Variants in CARMIL1 observed in about 807,000 individuals in gnomAD.
CARMIL1 encodes capping protein regulator and myosin 1 linker 1, also known as F-actin-uncapping protein LRRC16A.
A neutral mutation model predicts 177.1 loss-of-function variants in CARMIL1; 90 were observed. The observed-to-expected ratio is 0.51, with a 90% CI of 0.43 to 0.61. CARMIL1 has a LOEUF of 0.61. Among genes scored for constraint, CARMIL1 ranks in the 20% least tolerant of loss-of-function variants. CARMIL1 has a pLI of 0.00. For synonymous variants in CARMIL1, 577 were observed against 606.2 expected (o/e 0.95, Z 0.71); for missense variants, 1,380 against 1,667.0 (o/e 0.83, Z 3.00).
intron 5 of CARMIL1, among the ~76,000 whole-genome samples, chr6:25,444,663 G>A (rs1798054456): frequency 6.6e-6 from 1 of 152,110 alleles, no homozygotes; most frequent in Non-Finnish European, 1.5e-5. Context: ...TGAGAATGAT[G>A]GTTTCCAGCC....
At chr6:25,612,587 T>C (rs1406734655) in intron 36 of CARMIL1, 2 of 198,180 alleles carry the variant, frequency 1.0e-5, no homozygotes, top group East Asian at 1.9e-4. Flanking sequence ...TAATGATGCA[T>C]ATCTGCCCAG....
At chr6:25,504,379 T>C (rs1804712336) in intron 17 of CARMIL1, among the ~76,000 whole-genome samples, 1 of 152,158 alleles carries the variant, frequency 6.6e-6, no homozygotes, top group African/African-American at 2.4e-5. Flanking sequence ...TAAGTTGGCT[T>C]GTAGGTTCTC....
chr6:25,402,063 C>T (rs1793933944), intron 2 of CARMIL1, among the ~76,000 whole-genome samples: 1 of 149,898 alleles, frequency 6.7e-6, no homozygotes, highest in Admixed American at 6.6e-5. Flanking sequence ...TCTGACTAAG[C>T]TATATATTTA....
chr6:25,455,329 A>G (rs1441133663), intron 8 of CARMIL1, among the ~76,000 whole-genome samples: 1 of 151,014 alleles, frequency 6.6e-6, no homozygotes, highest in Admixed American at 6.6e-5. Context: ...TCGCCGTTAT[A>G]TTTAGTCTTC....
intron 2 of CARMIL1, among the ~76,000 whole-genome samples, chr6:25,368,168 A>T (rs1790039185): frequency 6.6e-6 from 1 of 152,204 alleles, no homozygotes; most frequent in East Asian, 1.9e-4. Context: ...GAGAACCCTG[A>T]TCCTTACTGG....
chr6:25,428,673 A>G (rs915228002), intron 4 of CARMIL1, among the ~76,000 whole-genome samples: 3 of 152,034 alleles, frequency 2.0e-5, no homozygotes, highest in African/African-American at 7.2e-5. Context: ...ATATTTCTCC[A>G]TTTGTTTAGG....
At position 25,597,065 on chromosome 6, in the gene CARMIL1, A is replaced by G. The variant is rs1157240797; in HGVS notation, c.3119+2538A>G. On this transcript the variant is annotated intron_variant, in intron 32 of 36. Coordinates refer to ENST00000329474, the MANE Select transcript of CARMIL1 (RefSeq NM_017640.6). Reference sequence around the variant, plus strand: ...GGGAAGTTCAAGTTTGGGTGGCCACACTGGTTGGCTTCTGGTGAGGGCCTC... The same window carrying G: ...GGGAAGTTCAAGTTTGGGTGGCCACGCTGGTTGGCTTCTGGTGAGGGCCTC... Among the ~76,000 whole-genome samples the G allele has an allele frequency of 6.6e-5, 10 of 152,218 alleles. No homozygotes were observed. The East Asian group carries it at 1.5e-3, about 24-fold the overall frequency.
At chr6:25,485,683 C>T (rs1802571581) in intron 12 of CARMIL1, among the ~76,000 whole-genome samples, 1 of 152,200 alleles carries the variant, frequency 6.6e-6, no homozygotes. Context: ...GATCCATCTG[C>T]CTCAGCCTCC....
intron 2 of CARMIL1, among the ~76,000 whole-genome samples, chr6:25,395,724 T>C (rs1793319604): frequency 6.6e-6 from 1 of 152,254 alleles, no homozygotes; most frequent in Non-Finnish European, 1.5e-5. Flanking sequence ...AAGTCACTCT[T>C]AGCATTCCTC....
chr6:25,279,803 A>C lies in CARMIL1; in HGVS notation c.8A>C (p.Glu3Ala). The change falls in exon 1 of 37, where the codon GAG becomes GCG. Residue 3 changes from glutamate to alanine, a missense_variant. Glu to Ala is a moderately radical substitution (Grantham distance 107). Transcript: ENST00000329474. MT[E>A]ESSDVPRELI... ...CACACCTACAGGGCAACCATGACCG[A>C]GGAGAGCTCTGACGTTCCCAGGGAG... 1 of 1,613,878 alleles carries C rather than the reference A, an allele frequency of 6.2e-7. No individual in the cohort carries two copies. The highest frequency in any genetic ancestry group is 8.5e-7 in the Non-Finnish European group (1 of 1,179,764).
chr6:25,425,330 G>A (rs1484728092), intron 3 of CARMIL1, among the ~76,000 whole-genome samples: 1 of 152,068 alleles, frequency 6.6e-6, no homozygotes, highest in African/African-American at 2.4e-5. Context: ...GGGGTTTTCT[G>A]CCCAGTATTT....
At chr6:25,442,455 A>ACT (rs1554196740) in intron 5 of CARMIL1, among the ~76,000 whole-genome samples, 8 of 143,826 alleles carry the variant, frequency 5.6e-5, no homozygotes, top group African/African-American at 1.8e-4. Flanking sequence ...TCTATTTAAC[A>ACT]GTGTGTGTGT....
chr6:25,548,619 A>T (rs1809759740), intron 26 of CARMIL1, among the ~76,000 whole-genome samples: 1 of 152,152 alleles, frequency 6.6e-6, no homozygotes, highest in Non-Finnish European at 1.5e-5. Context: ...GAGAGGCTGC[A>T]GTCCTCTCTT....
chr6:25,304,090 T>C (rs144085933), intron 2 of CARMIL1, among the ~76,000 whole-genome samples: 4,254 of 152,356 alleles, frequency 0.028, 72 homozygotes, highest in Non-Finnish European at 0.038. Context: ...ATGAGCCTGC[T>C]GCCCCCACAG....
intron 5 of CARMIL1, among the ~76,000 whole-genome samples, chr6:25,446,201 G>T (rs977574673): frequency 2.0e-5 from 3 of 152,178 alleles, no homozygotes; most frequent in Admixed American, 2.0e-4. Flanking sequence ...AACAAGAGAG[G>T]CAGCCTGTCC....
rs572923666 is a variant in CARMIL1 at position 25,488,940 on chromosome 6, G to T, written c.1065+355G>T. Among the ~76,000 whole-genome samples the T allele has an allele frequency of 9.2e-5, 14 of 152,246 alleles. 1 individual carries two copies. In the South Asian group the frequency reaches 2.9e-3, roughly 32 times the overall value. ...CCAGCACTTTGGGAGGCTGAGGCAG[G>T]CAGATCACGAGGTCAGGAGATCGAG... On this transcript the variant is annotated intron_variant, in intron 13 of 36. Transcript: ENST00000329474.
intron 31 of CARMIL1, among the ~76,000 whole-genome samples, chr6:25,592,236 A>G (rs1814390142): frequency 6.6e-6 from 1 of 152,176 alleles, no homozygotes; most frequent in East Asian, 1.9e-4. Context: ...GGATAGTACT[A>G]TCTCTTTCAG....
At chr6:25,484,455 G>T (rs1484790431) in intron 12 of CARMIL1, among the ~76,000 whole-genome samples, 1 of 152,176 alleles carries the variant, frequency 6.6e-6, no homozygotes, top group Non-Finnish European at 1.5e-5. Context: ...TAAGATTAAG[G>T]CATGAAAATA....
At position 25,515,910 on chromosome 6, in the gene CARMIL1, A is replaced by G. The variant is rs557870936; in HGVS notation, c.1805+63A>G. ...TTGGAGCAGATTCCGAACAGCAAGC[A>G]TTGCAGAGCTGCTGGGCCCGAGGGG... On this transcript the variant is annotated intron_variant, in intron 21 of 36. Coordinates refer to ENST00000329474, the MANE Select transcript of CARMIL1 (RefSeq NM_017640.6). The surrounding 1 kb of genome is among the most constrained non-coding windows in gnomAD (Gnocchi z 5.0). The G allele has an allele frequency of 4.7e-4, 708 of 1,493,196 alleles. No homozygotes were observed. Among genetic ancestry groups the G allele is most frequent in the Non-Finnish European group, 5.9e-4 (653 of 1,110,278 alleles). The allele number at this position is 1,493,196 out of a possible 1,614,324, so 92.5% of individuals were successfully genotyped here. A position where few individuals can be genotyped will look rare whatever the true frequency, so the allele number is the denominator to read the frequency against.
Sources: gnomAD v4.1 joint callset for allele counts (sites outside exome capture counted in the v4.1 genomes callset) on GRCh38, gnomAD v4.1.1 for gene constraint, Gnocchi (gnomAD v3.1) non-coding constraint, MANE v1.5 for transcripts, NCBI Gene and HGNC (gene_info 2026-07-23, HGNC 2026-07-21) for gene names.